The following SLC17A7 variants were observed in gnomAD, a reference collection of about 807,000 sequenced individuals.
SLC17A7 encodes solute carrier family 17 member 7.
SLC17A7 carries 15 observed loss-of-function variants against 59.1 expected under a neutral mutation model. The observed-to-expected ratio is 0.25, with a 90% CI of 0.17 to 0.39. SLC17A7 has a LOEUF of 0.39. SLC17A7 is among the 10% of genes least tolerant of loss of function. The pLI is 1.00. For synonymous variants in SLC17A7, 353 were observed against 308.9 expected, an observed-to-expected ratio of 1.14 and a Z score of -1.50; for missense variants, 499 against 765.1, an observed-to-expected ratio of 0.65 and a Z score of 4.10.
intron 4 of SLC17A7, 24 bp from the exon 5 acceptor site, chr19:49,434,713 A>T: frequency 6.2e-7 from 1 of 1,614,214 alleles, no homozygotes; most frequent in Non-Finnish European, 8.5e-7. Flanking sequence ...AACCAAGGTC[A>T]CTGAGAAGAG....
chr19:49,439,491 G>A (rs1180289368), intron 1 of SLC17A7, among the ~76,000 whole-genome samples: 2 of 152,184 alleles, frequency 1.3e-5, no homozygotes, highest in Admixed American at 1.3e-4. Context: ...ACCAGCTGTG[G>A]CATCACTCTT....
At position 49,431,504 on chromosome 19, in the gene SLC17A7, G is replaced by C; in HGVS notation, c.1151-56C>G. 6.8e-7 allele frequency: 1 copy of C among 1,464,250 alleles called. No individual in the cohort carries two copies. The highest frequency in any genetic ancestry group is 9.5e-7 in the Non-Finnish European group (1 of 1,052,908). 90.7% of individuals were successfully genotyped at this position (1,464,250 alleles called of 1,614,324 possible). On this transcript the variant is annotated intron_variant, in intron 9 of 11. Transcript: ENST00000221485. The surrounding 1 kb of genome is among the most constrained non-coding windows in gnomAD (Gnocchi z 4.6). The stretch of plus-strand genomic sequence containing the variant: ...GAGTGTCGGCCGGAGCAAGGCGCAG[G>C]CTGCCCCACACCGCCCTTCCAGACC...
Position 49,438,900 on chromosome 19 carries a change from C to T in SLC17A7, c.63-2099G>A, listed in dbSNP as rs188906192. 2.2e-4 allele frequency among the ~76,000 whole-genome samples: 33 copies of T among 152,202 alleles called. No homozygotes were observed. In the East Asian group the frequency reaches 6.0e-3, roughly 28 times the overall value. On this transcript the variant is annotated intron_variant, in intron 1 of 11. Transcript: ENST00000221485. ...CTAAACAGGGGGTCTCAGTATCCCA[C>T]ATCTATAAAATGGGACAAGGGCAAA... is the stretch of plus-strand genomic sequence containing the variant.
chr19:49,430,447 G>T lies in SLC17A7; in HGVS notation c.*72C>A. 1.8e-6 allele frequency: 2 copies of T among 1,140,216 alleles called. No individual in the cohort carries two copies. The highest frequency in any genetic ancestry group is 2.5e-6 in the Non-Finnish European group (2 of 801,204). 70.6% of individuals were successfully genotyped at this position (1,140,216 alleles called of 1,614,324 possible). On this transcript the variant is annotated 3_prime_UTR_variant, in exon 12 of 12. Transcript: ENST00000221485. ...AGGACAGAGAGGAGCAGGGTTCCTT[G>T]ACACTGTCACTCAGGCCAGAGATGA...
At position 49,434,816 on chromosome 19, in the gene SLC17A7, G is replaced by C; in HGVS notation, c.501C>G (p.Val167=). The C allele has an allele frequency of 1.2e-6, 2 of 1,614,194 alleles. No individual in the cohort carries two copies. Among genetic ancestry groups the C allele is most frequent in the Non-Finnish European group, 1.7e-6 (2 of 1,180,040 alleles). Residue 167 remains valine, a synonymous_variant, in exon 4 of 12, where the codon GTC becomes GTG. Coordinates refer to ENST00000221485, the MANE Select transcript of SLC17A7 (RefSeq NM_020309.4). ...LNMLIPSAAR[V]HYGCVIFVRI... ...TCACGAAGATGACACAGCCATAGTG[G>C]ACGCGGGCAGCTGAGGGGATCAGCA... is the stretch of plus-strand genomic sequence containing the variant.
At chr19:49,437,107 G>T in intron 1 of SLC17A7, 1 of 467,902 alleles carries the variant, frequency 2.1e-6, no homozygotes, top group Non-Finnish European at 3.9e-6. Context: ...CAACCCTTTG[G>T]GATTCAAGAG....
rs1441814900 is a variant in SLC17A7, at chr19:49,430,339, T to G, written c.*180A>C. The stretch of plus-strand genomic sequence containing the variant: ...TCCTTGAAACTGTCAGTCTGCAGCT[T>G]CACTACCCCTGAGAGGCAATTGGGA... On this transcript the variant is annotated 3_prime_UTR_variant, in exon 12 of 12. Transcript: ENST00000221485. 2 of 536,256 alleles carry G rather than the reference T, an allele frequency of 3.7e-6. No homozygotes were observed. Among genetic ancestry groups the G allele is most frequent in the South Asian group, 2.8e-5 (1 of 36,036 alleles). The allele number at this position is 536,256 out of a possible 1,614,324, so 33.2% of individuals were successfully genotyped here.
Position 49,430,447 on chromosome 19 carries a change from G to C in SLC17A7, c.*72C>G. 4 of 1,140,216 alleles carry C rather than the reference G, an allele frequency of 3.5e-6. No individual in the cohort carries two copies. Among genetic ancestry groups the C allele is most frequent in the Non-Finnish European group, 5.0e-6 (4 of 801,204 alleles). 70.6% of individuals were successfully genotyped at this position (1,140,216 alleles called of 1,614,324 possible). On this transcript the variant is annotated 3_prime_UTR_variant, in exon 12 of 12. Transcript: ENST00000221485. The stretch of plus-strand genomic sequence containing the variant: ...AGGACAGAGAGGAGCAGGGTTCCTT[G>C]ACACTGTCACTCAGGCCAGAGATGA...
Position 49,431,172 on chromosome 19 carries a change from C to T in SLC17A7, c.1262-30G>A, listed in dbSNP as rs769724199. The T allele has an allele frequency of 1.2e-6, 2 of 1,603,364 alleles. No individual in the cohort carries two copies. Among genetic ancestry groups the T allele is most frequent in the East Asian group, 4.5e-5 (2 of 44,582 alleles). ...CGGAGAGACAAGTCGGAAGGCGTCACACCGGAATCTCACTCGAGTGATTCC... is the reference window on the plus strand; with the variant it reads ...CGGAGAGACAAGTCGGAAGGCGTCATACCGGAATCTCACTCGAGTGATTCC... On this transcript the variant is annotated intron_variant, in intron 10 of 11. Coordinates refer to ENST00000221485, the MANE Select transcript of SLC17A7 (RefSeq NM_020309.4). This position sits in a 1 kb window ranked among gnomAD's most constrained non-coding sequence, Gnocchi z 4.6.
Position 49,430,285 on chromosome 19 carries a change from G to A in SLC17A7, c.*234C>T. The A allele has an allele frequency of 4.5e-6, 2 of 443,362 alleles. No homozygotes were observed. Among genetic ancestry groups the A allele is most frequent in the Non-Finnish European group, 8.0e-6 (2 of 251,002 alleles). The allele number at this position is 443,362 out of a possible 1,614,324, so 27.5% of individuals were successfully genotyped here. A position where few individuals can be genotyped will look rare whatever the true frequency, so the allele number is the denominator to read the frequency against. ...TGAAACCACTGAGGCAGAACGGGTG[G>A]AGAGGGAACCTTTAGGGGAATTTGG... On this transcript the variant is annotated 3_prime_UTR_variant, in exon 12 of 12. Coordinates refer to ENST00000221485, the MANE Select transcript of SLC17A7 (RefSeq NM_020309.4).
In SLC17A7 at chr19:49,436,821, A is replaced by T; in HGVS notation, c.63-20T>A. ...AGAAGGCTGCGGGACAGCAAGAGCC[A>T]GAGACTCGGAAGTCCAGGCCCCCAG... On this transcript the variant is annotated intron_variant, in intron 1 of 11. Coordinates refer to ENST00000221485, the MANE Select transcript of SLC17A7 (RefSeq NM_020309.4). This position sits in a 1 kb window ranked among gnomAD's most constrained non-coding sequence, Gnocchi z 4.1. 5 of 1,596,092 alleles carry T rather than the reference A, an allele frequency of 3.1e-6. No homozygotes were observed. Among genetic ancestry groups the T allele is most frequent in the Non-Finnish European group, 4.2e-6 (5 of 1,177,212 alleles).
rs2946848 is a variant in SLC17A7 at position 49,436,462 on chromosome 19, T to A, written c.315+87A>T. ...TTTCGGAAGGGGCGTGGCCTGGACG[T>A]CTGGTGGGTGAGTGTGACGTCATGG... On this transcript the variant is annotated intron_variant, in intron 2 of 11. Coordinates refer to ENST00000221485, the MANE Select transcript of SLC17A7 (RefSeq NM_020309.4). The surrounding 1 kb of genome is among the most constrained non-coding windows in gnomAD (Gnocchi z 4.1). 3.3e-6 allele frequency: 5 copies of A among 1,527,116 alleles called. No homozygotes were observed. The highest frequency in any genetic ancestry group is 2.3e-5 in the East Asian group (1 of 44,158). The allele number at this position is 1,527,116 out of a possible 1,614,324, so 94.6% of individuals were successfully genotyped here.
chr19:49,441,276 C>T, intron 1 of SLC17A7, 42 bp downstream of exon 1: 1 of 1,597,486 alleles, frequency 6.3e-7, no homozygotes, highest in Non-Finnish European at 8.5e-7. Context: ...GCATCCTCCT[C>T]AGATCCTCCC....
Position 49,434,865 on chromosome 19 carries a change from A to G in SLC17A7, c.452T>C (p.Ile151Thr). The stretch of plus-strand genomic sequence containing the variant: ...CATGTTTAGAGTGGATGTTGCCACA[A>G]TAGCAAAGCCGAAAACTCTGATGGG... ...FAANRVFGFA[I>T]VATSTLNMLI... Residue 151 changes from isoleucine to threonine, a missense_variant, in exon 4 of 12, where the codon ATT (isoleucine) becomes ACT (threonine). Ile to Thr is a moderately conservative substitution (Grantham distance 89). Transcript: ENST00000221485. 1 of 1,613,816 alleles carries G rather than the reference A, an allele frequency of 6.2e-7. No homozygotes were observed. Among genetic ancestry groups the G allele is most frequent in the Non-Finnish European group, 8.5e-7 (1 of 1,179,850 alleles).
At chr19:49,435,330 T>C in intron 2 of SLC17A7, 44 bp from the exon 3 acceptor site, 1 of 1,430,340 alleles carries the variant, frequency 7.0e-7, no homozygotes, top group Non-Finnish European at 9.8e-7. Flanking sequence ...CTGTCCAGGC[T>C]CTGCCGCTCC....
At chr19:49,435,052 C>G in intron 3 of SLC17A7, 116 bp downstream of exon 3, 1 of 1,024,484 alleles carries the variant, frequency 9.8e-7, no homozygotes, top group South Asian at 1.4e-5. Context: ...TAAGACCCAC[C>G]CCCAAATCCA....
chr19:49,430,456 A>T lies in SLC17A7; in HGVS notation c.*63T>A. On this transcript the variant is annotated 3_prime_UTR_variant, in exon 12 of 12. Transcript: ENST00000221485. ...AGGAGCAGGGTTCCTTGACACTGTC[A>T]CTCAGGCCAGAGATGAGTGGAATGG... is the stretch of plus-strand genomic sequence containing the variant. 1 of 1,230,966 alleles carries T rather than the reference A, an allele frequency of 8.1e-7. No individual in the cohort carries two copies. Among genetic ancestry groups the T allele is most frequent in the Non-Finnish European group, 1.1e-6 (1 of 879,700 alleles). The allele number at this position is 1,230,966 out of a possible 1,614,324, so 76.3% of individuals were successfully genotyped here.
Position 49,436,923 on chromosome 19 carries a change from C to T in SLC17A7, c.63-122G>A. The T allele has an allele frequency of 7.2e-7, 1 of 1,388,626 alleles. No individual in the cohort carries two copies. The highest frequency in any genetic ancestry group is 9.6e-7 in the Non-Finnish European group (1 of 1,045,204). 86.0% of individuals were successfully genotyped at this position (1,388,626 alleles called of 1,614,324 possible). A position where few individuals can be genotyped will look rare whatever the true frequency, so the allele number is the denominator to read the frequency against. On this transcript the variant is annotated intron_variant, in intron 1 of 11. Transcript: ENST00000221485. The surrounding 1 kb of genome is among the most constrained non-coding windows in gnomAD (Gnocchi z 4.1). ...CAGAATTCTAAGCCCGCACCTCCTCCTTCACCAAGAGTCCAGGTCCCTGGC... is the reference window on the plus strand; with the variant it reads ...CAGAATTCTAAGCCCGCACCTCCTCTTTCACCAAGAGTCCAGGTCCCTGGC...
At position 49,433,016 on chromosome 19, in the gene SLC17A7, G is replaced by A. The variant is rs1362592379; in HGVS notation, c.868-56C>T. 5 of 1,537,170 alleles carry A rather than the reference G, an allele frequency of 3.3e-6. No homozygotes were observed. Among genetic ancestry groups the A allele is most frequent in the East Asian group, 2.3e-5 (1 of 42,818 alleles). On this transcript the variant is annotated intron_variant, in intron 7 of 11. Coordinates refer to ENST00000221485, the MANE Select transcript of SLC17A7 (RefSeq NM_020309.4). This position sits in a 1 kb window ranked among gnomAD's most constrained non-coding sequence, Gnocchi z 5.7. ...GGGGAGCGGGGCTGAGGGCTTCTCCGCGTCCCTTCAGGGACCACAGTGTAG... is the reference window on the plus strand; with the variant it reads ...GGGGAGCGGGGCTGAGGGCTTCTCCACGTCCCTTCAGGGACCACAGTGTAG...
Sources: gnomAD v4.1 joint callset for allele counts (sites outside exome capture counted in the v4.1 genomes callset) on GRCh38, gnomAD v4.1.1 for gene constraint, Gnocchi (gnomAD v3.1) non-coding constraint, MANE v1.5 for transcripts, NCBI Gene and HGNC (gene_info 2026-07-23, HGNC 2026-07-21) for gene names.